Variants in VPS13C observed in about 807,000 individuals in gnomAD.
The protein encoded by VPS13C is intermembrane lipid transfer protein VPS13C.
Under a neutral mutation model 456.8 loss-of-function variants are expected in VPS13C, and 358 were observed. The observed-to-expected ratio is 0.78, with a 90% CI of 0.72 to 0.86. VPS13C has a LOEUF of 0.86. VPS13C is among the 40% of genes least tolerant of loss of function. The pLI is 0.00. For missense variants in VPS13C, 4,818 were observed against 4,385.4 expected, an observed-to-expected ratio of 1.10 and a Z score of -2.79; for synonymous variants, 1,578 against 1,486.7, an observed-to-expected ratio of 1.06 and a Z score of -1.41.
chr15:61,937,407 T>G (rs1354433405), intron 47 of VPS13C, among the ~76,000 whole-genome samples: 1 of 152,230 alleles, frequency 6.6e-6, no homozygotes, highest in Non-Finnish European at 1.5e-5. Context: ...CAGGCAGATC[T>G]GTATCAACTA....
intron 75 of VPS13C, 115 bp from the exon 76 acceptor site, chr15:61,875,960 GTA>G: frequency 2.9e-6 from 2 of 700,948 alleles, no homozygotes; most frequent in Non-Finnish European, 4.6e-6. Flanking sequence ...AAAGAAAGCT[GTA>G]TGGAATAATC....
At chr15:61,919,838 T>C (rs2043591879) in intron 57 of VPS13C, among the ~76,000 whole-genome samples, 1 of 148,076 alleles carries the variant, frequency 6.8e-6, no homozygotes, top group South Asian at 2.1e-4. Flanking sequence ...TTATATAATA[T>C]ATACATTATT....
intron 65 of VPS13C, among the ~76,000 whole-genome samples, chr15:61,907,996 A>G (rs757789000): frequency 6.6e-6 from 1 of 152,190 alleles, no homozygotes; most frequent in Non-Finnish European, 1.5e-5. Flanking sequence ...CACTGTTACT[A>G]CACAAAGTGT....
chr15:61,922,557 A>C lies in VPS13C; in HGVS notation c.6815T>G (p.Ile2272Arg), dbSNP rs141890160. 1 of 1,613,994 alleles carries C rather than the reference A, an allele frequency of 6.2e-7. No individual in the cohort carries two copies. Among genetic ancestry groups the C allele is most frequent in the East Asian group, 2.2e-5 (1 of 44,884 alleles). The change falls in exon 54 of 85, where the codon ATA (isoleucine) becomes AGA (arginine). Residue 2272 changes from isoleucine to arginine, a missense_variant. Ile to Arg is a moderately conservative substitution (Grantham distance 97). Coordinates refer to ENST00000644861, the MANE Select transcript of VPS13C (RefSeq NM_020821.3). ...TACAACAACACCACAATTTTCCTCT[A>C]TCAGTGAATGTTCAATGCCTTTGAA... Reference protein sequence around the residue: ...ESFKGIEHSLIEENCGVVVES... With the variant: ...ESFKGIEHSLREENCGVVVES...
intron 83 of VPS13C, 143 bp downstream of exon 83, chr15:61,856,143 A>C: frequency 9.7e-7 from 1 of 1,033,018 alleles, no homozygotes; most frequent in Non-Finnish European, 1.3e-6. Flanking sequence ...CAGTTATTCA[A>C]ATAAATTGAT....
At chr15:61,875,874 C>A in intron 75 of VPS13C, 29 bp from the exon 76 acceptor site, 2 of 1,362,880 alleles carry the variant, frequency 1.5e-6, no homozygotes, top group South Asian at 1.3e-5. Flanking sequence ...TAAATTAAGT[C>A]CTTCACAACT....
chr15:62,026,083 A>ATTTTTTGTTTTTTTTGTTTTTTTTTTTT (rs748061716), intron 6 of VPS13C, among the ~76,000 whole-genome samples: 2 of 78,502 alleles, frequency 2.5e-5, no homozygotes, highest in Non-Finnish European at 6.5e-5. Context: ...TGTTGTTTTA[A>ATTTTTTGTTTTTTTTGTTTTTTTTTTTT]TTGAAGTACA....
intron 81 of VPS13C, chr15:61,865,575 T>A: frequency 1.4e-6 from 1 of 693,120 alleles, no homozygotes; most frequent in Non-Finnish European, 1.8e-6. Flanking sequence ...TTTGCGTATA[T>A]ATGTGTGTAT....
rs774158894 is a variant in VPS13C, at chr15:62,020,522, C to T, written c.641G>A (p.Arg214Gln). 12 of 1,611,106 alleles carry T rather than the reference C, an allele frequency of 7.4e-6. No individual in the cohort carries two copies. The highest frequency in any genetic ancestry group is 2.2e-5 in the East Asian group (1 of 44,800). ...KYEDDVTDPK[R>Q]PLSFGVTLGE... ...CAGTGTGACACCAAATGAAAGAGGC[C>T]GCTTTGGATCAGTGACCTACCAAAG... Residue 214 changes from arginine (R) to glutamine (Q), a missense_variant, in exon 9 of 85, where the codon CGG (arginine) becomes CAG (glutamine). Coordinates refer to ENST00000644861, the MANE Select transcript of VPS13C (RefSeq NM_020821.3).
chr15:61,869,116 C>CTTTTTTTTTTTT (rs68084709), intron 80 of VPS13C, among the ~76,000 whole-genome samples: 58 of 131,266 alleles, frequency 4.4e-4, no homozygotes, highest in East Asian at 9.3e-4. Context: ...TTTCTTTTTT[C>CTTTTTTTTTTTT]TTTTTTTTTT....
Position 61,983,678 on chromosome 15 carries a change from T to G in VPS13C, c.1914+142A>C, listed in dbSNP as rs1596420347. 3.2e-6 allele frequency: 3 copies of G among 927,422 alleles called. No individual in the cohort carries two copies. The East Asian group carries it at 8.0e-5, about 25-fold the overall frequency. 57.4% of individuals were successfully genotyped at this position (927,422 alleles called of 1,614,324 possible). ...TCAAAATTAGCTGCTGAACATATAC[T>G]GCTTTTGAAACAAGAAAAACCTATT... On this transcript the variant is annotated intron_variant, in intron 20 of 84. Coordinates refer to ENST00000644861, the MANE Select transcript of VPS13C (RefSeq NM_020821.3).
chr15:61,941,332 C>T (rs2044416582), intron 46 of VPS13C, among the ~76,000 whole-genome samples: 1 of 152,108 alleles, frequency 6.6e-6, no homozygotes. Flanking sequence ...TGTCCCATTT[C>T]GATTCACTAA....
chr15:61,918,319 G>C, intron 58 of VPS13C, 62 bp from the exon 59 acceptor site: 2 of 1,388,998 alleles, frequency 1.4e-6, no homozygotes, highest in Non-Finnish European at 1.9e-6. Flanking sequence ...GAAAAAATGA[G>C]AGCCACAAAC....
rs1894067204 is a variant in VPS13C, at chr15:61,858,778, G to A, written c.10953-2369C>T. Among the ~76,000 whole-genome samples, 1 of 152,190 alleles carries A rather than the reference G, an allele frequency of 6.6e-6. No homozygotes were observed. The highest frequency in any genetic ancestry group is 2.4e-5 in the African/African-American group (1 of 41,454). On this transcript the variant is annotated intron_variant, in intron 82 of 84. Coordinates refer to ENST00000644861, the MANE Select transcript of VPS13C (RefSeq NM_020821.3). This position sits in a 1 kb window ranked among gnomAD's most constrained non-coding sequence, Gnocchi z 4.4. ...TCTAGGAGCTAAGAGCAGCTCGCTG[G>A]CTGACAGAGGTCAAAGAAACAGGGA...
intron 16 of VPS13C, among the ~76,000 whole-genome samples, chr15:61,995,901 GA>G (rs2046368070): frequency 6.6e-6 from 1 of 152,184 alleles, no homozygotes; most frequent in Admixed American, 6.5e-5. Flanking sequence ...TACAGACATA[GA>G]AAACTACTAT....
In VPS13C at chr15:61,880,658, T is replaced by A. The variant is rs776030585; in HGVS notation, c.9953A>T (p.Asp3318Val). The change falls in exon 73 of 85, where the codon GAT (aspartate) becomes GTT (valine). Residue 3318 changes from aspartate to valine, a missense_variant. Physicochemically the swap from Asp to Val is radical, Grantham distance 152. Transcript: ENST00000644861. ...TTCAAAGAAACTAAGAATTGACATA[T>A]CAGTCATTGAAGTCTCCATTAATTC... is the stretch of plus-strand genomic sequence containing the variant. ...NAELMETSMTDMSILSFFEHF... is the reference protein window; with the variant it reads ...NAELMETSMTVMSILSFFEHF... 2 of 1,600,836 alleles carry A rather than the reference T, an allele frequency of 1.2e-6. No homozygotes were observed. Among genetic ancestry groups the A allele is most frequent in the East Asian group, 2.2e-5 (1 of 44,468 alleles).
chr15:61,877,181 CACAT>C (rs1288830491), intron 74 of VPS13C, 127 bp from the exon 75 acceptor site: 3 of 590,370 alleles, frequency 5.1e-6, no homozygotes, highest in Non-Finnish European at 8.6e-6. Context: ...GTACATTTAC[CACAT>C]ACAATTTATG....
rs530122922 is a variant in VPS13C at position 62,019,819 on chromosome 15, C to T, written c.684+660G>A. Among the ~76,000 whole-genome samples the T allele has an allele frequency of 7.9e-5, 12 of 151,946 alleles. No homozygotes were observed. The South Asian group carries it at 2.5e-3, about 32-fold the overall frequency. ...TCTATTGGGTCTGCTTGGTGCAGAG[C>T]TGAATTCAATTCCTGTACTGTCCTT... On this transcript the variant is annotated intron_variant, in intron 9 of 84. Coordinates refer to ENST00000644861, the MANE Select transcript of VPS13C (RefSeq NM_020821.3).
At chr15:62,035,073 C>T (rs775063364) in intron 3 of VPS13C, 21 bp from the exon 4 acceptor site, 2 of 1,547,144 alleles carry the variant, frequency 1.3e-6, no homozygotes, top group East Asian at 4.5e-5. Flanking sequence ...ATAATTTCAA[C>T]CTTAAATTAT....
Sources: gnomAD v4.1 joint callset for allele counts (sites outside exome capture counted in the v4.1 genomes callset) on GRCh38, gnomAD v4.1.1 for gene constraint, Gnocchi (gnomAD v3.1) non-coding constraint, MANE v1.5 for transcripts, NCBI Gene and HGNC (gene_info 2026-07-23, HGNC 2026-07-21) for gene names.